Variants in SIPA1L3 observed in about 807,000 individuals in gnomAD.
SIPA1L3 encodes the protein signal induced proliferation associated 1 like 3.
A neutral mutation model predicts 150.1 loss-of-function variants in SIPA1L3; 59 were observed. That is an observed-to-expected ratio of 0.39 (90% CI 0.32 to 0.49). SIPA1L3 has a LOEUF of 0.49. SIPA1L3 is among the 20% of genes least tolerant of loss of function. The probability of loss-of-function intolerance (pLI) is 0.86; values close to 1 mark genes in which losing one functional copy is unlikely to be tolerated. For missense variants in SIPA1L3, 2,211 were observed against 2,489.5 expected (o/e 0.89, Z 2.38); for synonymous variants, 1,070 against 1,077.6 (o/e 0.99, Z 0.14).
chr19:37,992,022 G>A (rs1427232988), intron 1 of SIPA1L3, among the ~76,000 whole-genome samples: 3 of 145,506 alleles, frequency 2.1e-5, no homozygotes, highest in East Asian at 2.0e-4. Flanking sequence ...AATTCACTGA[G>A]GTCATCTTAT....
chr19:37,989,296 T>A (rs747810486), intron 1 of SIPA1L3, among the ~76,000 whole-genome samples: 9 of 152,194 alleles, frequency 5.9e-5, no homozygotes, highest in Non-Finnish European at 1.2e-4. Flanking sequence ...CATAGCTCAC[T>A]GCAACATCCA....
chr19:37,954,968 TC>T (rs1468867748), intron 1 of SIPA1L3, among the ~76,000 whole-genome samples: 3 of 151,256 alleles, frequency 2.0e-5, no homozygotes, highest in Non-Finnish European at 4.4e-5. Flanking sequence ...ATGCCTGTAG[TC>T]CCAGGTACTT....
At chr19:38,125,349 T>TA (rs34491600) in intron 9 of SIPA1L3, among the ~76,000 whole-genome samples, 1,667 of 152,244 alleles carry the variant, frequency 0.011, 13 homozygotes, top group Non-Finnish European at 0.018. Context: ...CCTGGGTTCT[T>TA]AAACACTAGG....
chr19:38,177,788 G>A (rs1162130169), intron 15 of SIPA1L3, among the ~76,000 whole-genome samples: 2 of 152,206 alleles, frequency 1.3e-5, no homozygotes, highest in Non-Finnish European at 2.9e-5. Flanking sequence ...CACCTTGGGA[G>A]GTCGAGGCAG....
At chr19:38,155,603 T>C (rs1465958693) in intron 13 of SIPA1L3, among the ~76,000 whole-genome samples, 1 of 152,070 alleles carries the variant, frequency 6.6e-6, no homozygotes, top group Admixed American at 6.6e-5. Flanking sequence ...AAATGAGCAA[T>C]GTTAGAAAGC....
intron 1 of SIPA1L3, among the ~76,000 whole-genome samples, chr19:37,915,357 T>C (rs1391294747): frequency 6.6e-6 from 1 of 152,012 alleles, no homozygotes; most frequent in Non-Finnish European, 1.5e-5. Flanking sequence ...GGGACTTGGC[T>C]GGAAAAGGTG....
chr19:38,040,681 T>G (rs2145738966), intron 2 of SIPA1L3, among the ~76,000 whole-genome samples: 2 of 152,360 alleles, frequency 1.3e-5, no homozygotes, highest in Admixed American at 1.3e-4. Flanking sequence ...AATTCAAAAT[T>G]CTAGTTGAAA....
chr19:38,184,373 TCA>T (rs1382359505), intron 16 of SIPA1L3: 2 of 152,220 alleles, frequency 1.3e-5, no homozygotes, highest in East Asian at 3.8e-4. Flanking sequence ...AGACGGGGTT[TCA>T]CCATGTTAGT....
At chr19:37,925,797 A>G (rs2046498698) in intron 1 of SIPA1L3, among the ~76,000 whole-genome samples, 1 of 151,860 alleles carries the variant, frequency 6.6e-6, no homozygotes, top group African/African-American at 2.4e-5. Context: ...TTTCACCATG[A>G]TGGCCAGGAT....
chr19:38,076,840 A>C (rs1327224541), intron 2 of SIPA1L3, among the ~76,000 whole-genome samples: 2 of 152,222 alleles, frequency 1.3e-5, no homozygotes, highest in Admixed American at 6.5e-5. Context: ...CACTGCCTGT[A>C]TGCCAGCAGG....
intron 1 of SIPA1L3, among the ~76,000 whole-genome samples, chr19:37,990,821 G>A (rs781612185): frequency 2.0e-5 from 3 of 152,194 alleles, no homozygotes; most frequent in East Asian, 1.9e-4. Flanking sequence ...GCCGTATTCC[G>A]AGTGCTTTTT....
At chr19:37,908,388 A>G (rs1050618836) in intron 1 of SIPA1L3, among the ~76,000 whole-genome samples, 4 of 152,148 alleles carry the variant, frequency 2.6e-5, no homozygotes, top group Admixed American at 2.0e-4. Flanking sequence ...TTGTTCTTCA[A>G]TATTCTCCAT....
intron 9 of SIPA1L3, among the ~76,000 whole-genome samples, chr19:38,128,550 C>T (rs1024258140): frequency 2.0e-5 from 3 of 152,188 alleles, no homozygotes; most frequent in South Asian, 4.1e-4. Flanking sequence ...TAGTTTGTGA[C>T]GTAAAATTAT....
At chr19:38,010,305 G>C (rs1968066137) in intron 1 of SIPA1L3, among the ~76,000 whole-genome samples, 1 of 152,004 alleles carries the variant, frequency 6.6e-6, no homozygotes, top group Non-Finnish European at 1.5e-5. Flanking sequence ...CCCTTTAGGA[G>C]GCTGAAGTGG....
intron 1 of SIPA1L3, among the ~76,000 whole-genome samples, chr19:37,915,768 G>A (rs2046409763): frequency 6.6e-6 from 1 of 152,198 alleles, no homozygotes; most frequent in Admixed American, 6.5e-5. Flanking sequence ...TCTTGGACCT[G>A]TAAGGGCCCC....
chr19:38,171,857 T>C (rs1972335715), intron 15 of SIPA1L3, among the ~76,000 whole-genome samples: 1 of 151,972 alleles, frequency 6.6e-6, no homozygotes, highest in South Asian at 2.1e-4. Flanking sequence ...ACCCTGTTGA[T>C]CAATCAATCA....
At position 38,082,888 on chromosome 19, in the gene SIPA1L3, C is replaced by A. The variant is rs766372918; in HGVS notation, c.1323C>A (p.Asn441Lys). The change falls in exon 3 of 22, where the codon AAC (asparagine) becomes AAA (lysine). Residue 441 changes from asparagine (N) to lysine (K), a missense_variant. Coordinates refer to ENST00000222345, the MANE Select transcript of SIPA1L3 (RefSeq NM_015073.3). ...AGATCGGGGGCGAGTGTGAGCGCAA[C>A]GTGAGCTTCTCCCGGGCTTCCGTGG... is the stretch of plus-strand genomic sequence containing the variant. Reference protein sequence around the residue: ...RNEIGGECERNVSFSRASVGS... With the variant: ...RNEIGGECERKVSFSRASVGS... 3.7e-6 allele frequency: 6 copies of A among 1,613,352 alleles called. No homozygotes were observed. The African/African-American group carries it at 6.7e-5, about 18-fold the overall frequency.
intron 1 of SIPA1L3, among the ~76,000 whole-genome samples, chr19:37,954,768 G>A (rs1014044289): frequency 4.6e-5 from 7 of 152,092 alleles, no homozygotes; most frequent in South Asian, 4.2e-4. Flanking sequence ...ATATACACAC[G>A]TGCCATAAAA....
In SIPA1L3 at chr19:38,081,356, G is replaced by A; in HGVS notation, c.-210G>A. On this transcript the variant is annotated 5_prime_UTR_variant, in exon 3 of 22. Transcript: ENST00000222345. ...CACTCGGTCTGGAGCCCCCAGGACA[G>A]CACCTGCTTCCTGAGGTTGTCCTGG... 1.8e-6 allele frequency: 1 copy of A among 557,888 alleles called. No individual in the cohort carries two copies. Among genetic ancestry groups the A allele is most frequent in the South Asian group, 2.8e-5 (1 of 36,326 alleles). The allele number at this position is 557,888 out of a possible 1,614,324, so 34.6% of individuals were successfully genotyped here.
Sources: gnomAD v4.1 joint callset for allele counts (sites outside exome capture counted in the v4.1 genomes callset) on GRCh38, gnomAD v4.1.1 for gene constraint, MANE v1.5 for transcripts, NCBI Gene and HGNC (gene_info 2026-07-23, HGNC 2026-07-21) for gene names.